Variants in TCEA1 observed in about 807,000 individuals in gnomAD.
The protein encoded by TCEA1 is transcription elongation factor A1.
A neutral mutation model predicts 43.8 loss-of-function variants in TCEA1; 21 were observed. The observed-to-expected ratio is 0.48, with a 90% CI of 0.34 to 0.69. The LOEUF is 0.69. Among genes scored for constraint, TCEA1 ranks in the 30% least tolerant of loss-of-function variants. TCEA1 has a pLI of 0.01. For synonymous variants in TCEA1, 104 were observed against 117.5 expected (o/e 0.88, Z 0.75); for missense variants, 250 against 365.1 (o/e 0.68, Z 2.57).
chr8:53,975,550 C>T (rs1803305659), intron 8 of TCEA1, among the ~76,000 whole-genome samples: 2 of 152,132 alleles, frequency 1.3e-5, no homozygotes, highest in Non-Finnish European at 2.9e-5. Flanking sequence ...GGAATATTAT[C>T]CAGCCGTAAA....
At chr8:53,977,022 G>C (rs1218515813) in intron 8 of TCEA1, among the ~76,000 whole-genome samples, 4 of 152,176 alleles carry the variant, frequency 2.6e-5, no homozygotes, top group African/African-American at 7.2e-5. Flanking sequence ...TATGTGTTTA[G>C]AAAAAGGAAA....
intron 1 of TCEA1, among the ~76,000 whole-genome samples, chr8:54,018,136 G>A (rs1453111254): frequency 6.6e-6 from 1 of 152,134 alleles, no homozygotes; most frequent in Non-Finnish European, 1.5e-5. Flanking sequence ...TTTTGTTGCA[G>A]TTGTTATTTT....
At chr8:53,971,655 C>G (rs957348388) in intron 8 of TCEA1, 1 of 168,282 alleles carries the variant, frequency 5.9e-6, no homozygotes, top group Non-Finnish European at 1.2e-5. Flanking sequence ...AAGAGGGTAC[C>G]ACATTAACCA....
intron 2 of TCEA1, among the ~76,000 whole-genome samples, chr8:54,009,094 C>T (rs570784802): frequency 2.0e-5 from 3 of 151,784 alleles, no homozygotes; most frequent in Non-Finnish European, 4.4e-5. Flanking sequence ...AGGTGATCCA[C>T]CCGCCTCAGC....
intron 3 of TCEA1, among the ~76,000 whole-genome samples, chr8:53,994,354 T>C (rs1445131630): frequency 6.6e-6 from 1 of 151,890 alleles, no homozygotes; most frequent in Non-Finnish European, 1.5e-5. Context: ...CAAAATAAAG[T>C]CAAATAAAAT....
intron 8 of TCEA1, chr8:53,972,582 A>G (rs1803190513): frequency 3.6e-6 from 2 of 557,328 alleles, no homozygotes; most frequent in East Asian, 4.6e-5. Flanking sequence ...ATTTAAACCT[A>G]AAGGAGGTGT....
chr8:53,997,804 T>C (rs1804111027), intron 3 of TCEA1, among the ~76,000 whole-genome samples: 2 of 152,088 alleles, frequency 1.3e-5, no homozygotes, highest in South Asian at 4.1e-4. Context: ...GAGTCTGATG[T>C]GAAAGACTGC....
chr8:53,996,918 T>TTTTTTTTTTTTTTTTTGAA (rs1471902060), intron 3 of TCEA1, among the ~76,000 whole-genome samples: 1 of 149,102 alleles, frequency 6.7e-6, no homozygotes. Flanking sequence ...TTTTTTTTTT[T>TTTTTTTTTTTTTTTTTGAA]AGACAGACTC....
chr8:54,007,666 C>T (rs1287368538), intron 2 of TCEA1, among the ~76,000 whole-genome samples: 1 of 152,160 alleles, frequency 6.6e-6, no homozygotes, highest in East Asian at 1.9e-4. Context: ...TATTCAATTT[C>T]AGTTAGCCAT....
At chr8:53,982,744 T>G (rs1803552202) in intron 7 of TCEA1, among the ~76,000 whole-genome samples, 1 of 151,934 alleles carries the variant, frequency 6.6e-6, no homozygotes. Flanking sequence ...GCTGAATAGA[T>G]GAGATGCTTC....
chr8:53,997,686 C>T (rs925652360), intron 3 of TCEA1, among the ~76,000 whole-genome samples: 2 of 152,162 alleles, frequency 1.3e-5, no homozygotes, highest in African/African-American at 4.8e-5. Flanking sequence ...ATCGCTTGAG[C>T]CCAAGAGTCC....
chr8:54,021,426 T>C (rs1805025815), intron 1 of TCEA1: 1 of 152,238 alleles, frequency 6.6e-6, no homozygotes, highest in African/African-American at 2.4e-5. Flanking sequence ...TTCCGGTGAG[T>C]GTGCGTGCTG....
chr8:54,002,904 G>A, intron 2 of TCEA1: 1 of 456,284 alleles, frequency 2.2e-6, no homozygotes, highest in Non-Finnish European at 4.4e-6. Flanking sequence ...TGGAAAGGTG[G>A]AGAGTGCATT....
At chr8:53,995,158 G>A (rs1413382381) in intron 3 of TCEA1, among the ~76,000 whole-genome samples, 2 of 151,868 alleles carry the variant, frequency 1.3e-5, no homozygotes, top group Admixed American at 1.3e-4. Flanking sequence ...AAAATTAGCT[G>A]GACATGGTGG....
chr8:54,021,724 T>A (rs1178259741), intron 1 of TCEA1: 2 of 221,012 alleles, frequency 9.0e-6, no homozygotes, highest in Non-Finnish European at 8.7e-6. Flanking sequence ...CTGAGGACTT[T>A]CTACGCTTCA....
rs544214155 is a variant in TCEA1, at chr8:54,010,586, TA to T, written c.64-95del. 2.2e-4 allele frequency: 209 copies of T among 944,334 alleles called. No individual in the cohort carries two copies. The African/African-American group carries it at 2.9e-3, about 13-fold the overall frequency. 58.5% of individuals were successfully genotyped at this position (944,334 alleles called of 1,614,324 possible). A position where few individuals can be genotyped will look rare whatever the true frequency, so the allele number is the denominator to read the frequency against. On this transcript the variant is annotated intron_variant, in intron 1 of 9. Coordinates refer to ENST00000521604, the MANE Select transcript of TCEA1 (RefSeq NM_006756.4). ...TCATGGGAGAATCACAGAAAACAGCTAAAGAGGAATAAAATCAGATAAGGAG... is the reference window on the plus strand; with the variant it reads ...TCATGGGAGAATCACAGAAAACAGCTAAGAGGAATAAAATCAGATAAGGAG...
At chr8:53,995,287 T>C in intron 3 of TCEA1, among the ~76,000 whole-genome samples, 3 of 134,588 alleles carry the variant, frequency 2.2e-5, no homozygotes, top group African/African-American at 2.9e-5. Context: ...AGAGTGAGAC[T>C]CTGTCTCAAA....
At chr8:54,020,507 T>C (rs1353145485) in intron 1 of TCEA1, among the ~76,000 whole-genome samples, 1 of 152,204 alleles carries the variant, frequency 6.6e-6, no homozygotes, top group Non-Finnish European at 1.5e-5. Context: ...CAGAGGATGT[T>C]TGAAGTCTTA....
chr8:53,979,929 T>C (rs377314550), intron 7 of TCEA1, among the ~76,000 whole-genome samples: 1 of 152,174 alleles, frequency 6.6e-6, no homozygotes, highest in African/African-American at 2.4e-5. Flanking sequence ...CATTCCCTAG[T>C]CACCTAGGAA....
Sources: gnomAD v4.1 joint callset for allele counts (sites outside exome capture counted in the v4.1 genomes callset) on GRCh38, gnomAD v4.1.1 for gene constraint, MANE v1.5 for transcripts, NCBI Gene and HGNC (gene_info 2026-07-23, HGNC 2026-07-21) for gene names.